WBP2: variants seen among roughly 807,000 people sequenced by gnomAD.
WBP2 encodes WW domain-binding protein 2.
A neutral mutation model predicts 33.0 loss-of-function variants in WBP2; 23 were observed. The observed-to-expected ratio is 0.70, with a 90% confidence interval of 0.50 to 0.99. The LOEUF is 0.99. WBP2 is among the 50% of genes least tolerant of loss of function. The pLI is 0.00. For missense variants in WBP2, 353 were observed against 358.0 expected (o/e 0.99, Z 0.11); for synonymous variants, 153 against 133.5 (o/e 1.15, Z -1.01).
At position 75,853,195 on chromosome 17, in the gene WBP2, C is replaced by T. The variant is rs138836384; in HGVS notation, c.60-1519G>A. On this transcript the variant is annotated intron_variant, in intron 1 of 7. Coordinates refer to ENST00000254806, the MANE Select transcript of WBP2 (RefSeq NM_012478.4). ...CCAAGTAGCTGGGATTACAGGCATG[C>T]GCCACCACGCCTGGCTAATTTTTTG... 3.0e-3 allele frequency among the ~76,000 whole-genome samples: 447 copies of T among 151,504 alleles called. 7 individuals are homozygous for T. Among genetic ancestry groups the T allele is most frequent in the East Asian group, 0.027 (138 of 5,162 alleles).
At chr17:75,847,031 C>T (rs745777185) in intron 6 of WBP2, 47 bp from the exon 7 acceptor site, 2 of 1,610,256 alleles carry the variant, frequency 1.2e-6, no homozygotes, top group South Asian at 1.1e-5. Flanking sequence ...TCTCCTCCCC[C>T]TGAGCTCAGC....
Position 75,849,646 on chromosome 17 carries a change from C to G in WBP2, c.262G>C (p.Gly88Arg). ...KDCEIKQPVF[G>R]ANYIKGTVKA... Reference sequence around the variant, plus strand: ...ACTGTTCCCTTGATGTAGTTTGCACCAAATACGGGCTGCTTGATCTCACAG... The same window carrying G: ...ACTGTTCCCTTGATGTAGTTTGCACGAAATACGGGCTGCTTGATCTCACAG... Residue 88 changes from glycine to arginine, a missense_variant, in exon 3 of 8, where the codon GGT becomes CGT. Physicochemically the swap from Gly to Arg is moderately radical, Grantham distance 125 (BLOSUM62 -2). Coordinates refer to ENST00000254806, the MANE Select transcript of WBP2 (RefSeq NM_012478.4). 1 of 1,614,174 alleles carries G rather than the reference C, an allele frequency of 6.2e-7. No individual in the cohort carries two copies. Among genetic ancestry groups the G allele is most frequent in the South Asian group, 1.1e-5 (1 of 91,082 alleles).
At chr17:75,847,311 G>A (rs1318461424) in intron 6 of WBP2, 176 bp downstream of exon 6, 3 of 1,076,898 alleles carry the variant, frequency 2.8e-6, no homozygotes, top group Non-Finnish European at 1.3e-6. Context: ...ATGGGGGTGG[G>A]GCCAGAATCT....
chr17:75,855,713 C>T (rs2065054970), upstream of WBP2, among the ~76,000 whole-genome samples: 1 of 152,256 alleles, frequency 6.6e-6, no homozygotes, highest in Non-Finnish European at 1.5e-5. Flanking sequence ...TTGGGGACTC[C>T]GGCAGCGCGT....
At chr17:75,847,272 C>T (rs2064999036) in intron 6 of WBP2, 4 of 815,524 alleles carry the variant, frequency 4.9e-6, no homozygotes, top group South Asian at 3.4e-5. Flanking sequence ...GGTGACCTTC[C>T]CCGCCCAGGG....
chr17:75,852,777 TC>T, intron 1 of WBP2: 1 of 985,272 alleles, frequency 1.0e-6, no homozygotes, highest in Non-Finnish European at 1.2e-6. Context: ...TTCTTTTAAG[TC>T]CTTGTGATAG....
Position 75,846,756 on chromosome 17 carries a change from G to A in WBP2, c.764C>T (p.Pro255Leu), listed in dbSNP as rs867193634. ...SQPPPPPYYP[P>L]EDKKTQ Reference sequence around the variant, plus strand: ...GGCCTACTGGGTCTTCTTATCTTCCGGTGGGTAGTAGGGAGGTGGCGGCGG... The same window carrying A: ...GGCCTACTGGGTCTTCTTATCTTCCAGTGGGTAGTAGGGAGGTGGCGGCGG... The change falls in exon 8 of 8, where the codon CCG (proline) becomes CTG (leucine). Residue 255 changes from proline to leucine, a missense_variant. Pro to Leu is a moderately conservative substitution (Grantham distance 98). Transcript: ENST00000254806. This position sits in a 1 kb window ranked among gnomAD's most constrained non-coding sequence, Gnocchi z 4.8. 7.8e-6 allele frequency: 12 copies of A among 1,535,968 alleles called. No homozygotes were observed. Among genetic ancestry groups the A allele is most frequent in the African/African-American group, 2.7e-5 (2 of 72,780 alleles).
At position 75,849,697 on chromosome 17, in the gene WBP2, T is replaced by C; in HGVS notation, c.211A>G (p.Met71Val). Residue 71 changes from methionine (M) to valine (V), a missense_variant, in exon 3 of 8, where the codon ATG becomes GTG. By Grantham distance (21) the Met-to-Val change is conservative. Transcript: ENST00000254806. ...SKGKDAMQSFMMPFYLMKDCE... is the reference protein window; with the variant it reads ...SKGKDAMQSFVMPFYLMKDCE... ...TCTTTCATGAGATAAAATGGCATCA[T>C]GAAGGACTGCATGGCATCCTTGCCC... is the stretch of plus-strand genomic sequence containing the variant. 1.2e-6 allele frequency: 2 copies of C among 1,614,178 alleles called. No individual in the cohort carries two copies. The highest frequency in any genetic ancestry group is 2.2e-5 in the East Asian group (1 of 44,892).
intron 1 of WBP2, among the ~76,000 whole-genome samples, chr17:75,854,791 C>G (rs887879596): frequency 4.1e-4 from 63 of 152,250 alleles, no homozygotes; most frequent in African/African-American, 1.4e-3. Context: ...CCTTTCTGCC[C>G]TCCACTTTCC....
At chr17:75,847,070 G>A in intron 6 of WBP2, 86 bp from the exon 7 acceptor site, 1 of 1,487,038 alleles carries the variant, frequency 6.7e-7, no homozygotes, top group South Asian at 1.2e-5. Flanking sequence ...CATGGCTCGG[G>A]GCAGCTGGTG....
Position 75,849,747 on chromosome 17 carries a change from G to T in WBP2, c.169-8C>A, listed in dbSNP as rs767755472. The T allele has an allele frequency of 6.2e-7, 1 of 1,613,694 alleles. No homozygotes were observed. The highest frequency in any genetic ancestry group is 8.5e-7 in the Non-Finnish European group (1 of 1,179,960). On this transcript the variant is annotated splice_region_variant and splice_polypyrimidine_tract_variant and intron_variant, in intron 2 of 7. Coordinates refer to ENST00000254806, the MANE Select transcript of WBP2 (RefSeq NM_012478.4). ...CTTGGACAGAAAGATGACCTGCAGGGAGAGAGGGTGAGGCCATCAGTACTA... is the reference window on the plus strand; with the variant it reads ...CTTGGACAGAAAGATGACCTGCAGGTAGAGAGGGTGAGGCCATCAGTACTA...
At chr17:75,856,048 C>T (rs1567829243), upstream of WBP2, among the ~76,000 whole-genome samples, 3 of 152,226 alleles carry the variant, frequency 2.0e-5, no homozygotes, top group Admixed American at 1.3e-4. Flanking sequence ...GCCCCCTCTC[C>T]GGCCTCGCGG....
At chr17:75,851,394 G>C in intron 2 of WBP2, 174 bp downstream of exon 2, 1 of 561,404 alleles carries the variant, frequency 1.8e-6, no homozygotes. Flanking sequence ...AAAGAGCCTG[G>C]TGATTCTGGA....
At chr17:75,849,539 A>T (rs1007317893) in intron 3 of WBP2, 65 bp downstream of exon 3, 14 of 1,598,624 alleles carry the variant, frequency 8.8e-6, no homozygotes, top group Non-Finnish European at 9.4e-6. Flanking sequence ...CCACGGCGGC[A>T]GTCAGAGGTT....
chr17:75,853,291 C>G (rs1362078608), intron 1 of WBP2, among the ~76,000 whole-genome samples: 7 of 152,184 alleles, frequency 4.6e-5, no homozygotes. Flanking sequence ...AGTGATCCAC[C>G]CACCTCAGCC....
At position 75,846,263 on chromosome 17, in the gene WBP2, C is replaced by T. The variant is rs550509677; in HGVS notation, c.*471G>A. 9.6e-5 allele frequency: 16 copies of T among 166,404 alleles called. No homozygotes were observed. The South Asian group carries it at 1.8e-3, about 19-fold the overall frequency. 10.3% of individuals were successfully genotyped at this position (166,404 alleles called of 1,614,324 possible). On this transcript the variant is annotated 3_prime_UTR_variant, in exon 8 of 8. Transcript: ENST00000254806. This position sits in a 1 kb window ranked among gnomAD's most constrained non-coding sequence, Gnocchi z 4.8. ...ACCCTGGCTGAGTGGAATGCGGGCG[C>T]GGTGGCCTTCTGAGACCAGCACAGA...
intron 2 of WBP2, among the ~76,000 whole-genome samples, chr17:75,850,014 G>C (rs576977111): frequency 6.6e-6 from 1 of 152,314 alleles, no homozygotes; most frequent in South Asian, 2.1e-4. Flanking sequence ...TGACGTGGTG[G>C]GGTGGTGGCA....
At chr17:75,852,656 C>G in intron 1 of WBP2, 1 of 284,196 alleles carries the variant, frequency 3.5e-6, no homozygotes, top group Non-Finnish European at 5.3e-6. Flanking sequence ...GGGGTTTCAC[C>G]GTGTTAGCCA....
chr17:75,851,707 G>A lies in WBP2; in HGVS notation c.60-31C>T, dbSNP rs968398909. On this transcript the variant is annotated intron_variant, in intron 1 of 7. Coordinates refer to ENST00000254806, the MANE Select transcript of WBP2 (RefSeq NM_012478.4). ...ATGAGAAAAGAGGAAAAGCCTCAAT[G>A]AGACAGTATGGAGACGCGACGTCAC... 1.9e-6 allele frequency: 3 copies of A among 1,564,280 alleles called. No individual in the cohort carries two copies. The African/African-American group carries it at 4.1e-5, about 21-fold the overall frequency.
Sources: gnomAD v4.1 joint callset for allele counts (sites outside exome capture counted in the v4.1 genomes callset) on GRCh38, gnomAD v4.1.1 for gene constraint, Gnocchi (gnomAD v3.1) non-coding constraint, MANE v1.5 for transcripts, NCBI Gene and HGNC (gene_info 2026-07-23, HGNC 2026-07-21) for gene names.